PI4K2B: variants seen among roughly 807,000 people sequenced by gnomAD.
The protein encoded by PI4K2B is phosphatidylinositol 4-kinase type 2-beta.
Under a neutral mutation model 56.6 loss-of-function variants are expected in PI4K2B, and 46 were observed. The ratio of observed to expected loss-of-function variants is 0.81; its 90% CI spans 0.64 to 1.04. PI4K2B has a LOEUF of 1.04. Among genes scored for constraint, PI4K2B ranks in the 50% least tolerant of loss-of-function variants. The pLI is 0.00. For missense variants in PI4K2B, 556 were observed against 607.7 expected, an observed-to-expected ratio of 0.91 and a Z score of 0.89; for synonymous variants, 211 against 223.8, an observed-to-expected ratio of 0.94 and a Z score of 0.51.
At chr4:25,253,628 A>G (rs1716144378) in intron 2 of PI4K2B, among the ~76,000 whole-genome samples, 1 of 152,236 alleles carries the variant, frequency 6.6e-6, no homozygotes. Context: ...AAGCAATTAT[A>G]TACTTAAAAT....
At chr4:25,249,643 T>C (rs1715959384) in intron 1 of PI4K2B, among the ~76,000 whole-genome samples, 2 of 147,282 alleles carry the variant, frequency 1.4e-5, no homozygotes, top group Non-Finnish European at 3.0e-5. Flanking sequence ...TCAGAGACAC[T>C]CCTCACCTCC....
At position 25,268,534 on chromosome 4, in the gene PI4K2B, C is replaced by T; in HGVS notation, c.1170C>T (p.Asn390=). Residue 390 remains asparagine (N), a synonymous_variant, in exon 8 of 10, where the codon AAC becomes AAT. Transcript: ENST00000264864. ...NLILPYISDM[N]FVQDLCEDLY... Reference sequence around the variant, plus strand: ...TTCTACCATATATTTCTGACATGAACTTTGTGCAAGATTTATGTGAAGATC... The same window carrying T: ...TTCTACCATATATTTCTGACATGAATTTTGTGCAAGATTTATGTGAAGATC... 2 of 1,595,374 alleles carry T rather than the reference C, an allele frequency of 1.3e-6. No individual in the cohort carries two copies. Among genetic ancestry groups the T allele is most frequent in the Middle Eastern group, 1.7e-4 (1 of 6,012 alleles).
intron 7 of PI4K2B, among the ~76,000 whole-genome samples, chr4:25,266,856 A>G (rs1255267386): frequency 2.6e-5 from 4 of 152,246 alleles, no homozygotes; most frequent in Non-Finnish European, 2.9e-5. Context: ...GGAAAATCAC[A>G]GAGAACAAAC....
intron 1 of PI4K2B, among the ~76,000 whole-genome samples, chr4:25,241,099 T>G (rs1196088034): frequency 1.3e-5 from 2 of 152,242 alleles, no homozygotes; most frequent in Non-Finnish European, 1.5e-5. Flanking sequence ...CTTGTGGTAT[T>G]TAGTGGGGGT....
chr4:25,240,030 C>T (rs1715450026), intron 1 of PI4K2B, among the ~76,000 whole-genome samples: 1 of 152,150 alleles, frequency 6.6e-6, no homozygotes, highest in African/African-American at 2.4e-5. Context: ...AGCTTGATGG[C>T]CTCGATGCTA....
At chr4:25,264,933 C>T (rs1157272626) in intron 7 of PI4K2B, among the ~76,000 whole-genome samples, 3 of 151,566 alleles carry the variant, frequency 2.0e-5, no homozygotes, top group African/African-American at 7.3e-5. Flanking sequence ...CAGTGGCTCA[C>T]GCCTGTAATC....
chr4:25,272,863 T>TA lies in PI4K2B; in HGVS notation c.1272+3675dup, dbSNP rs889068556. Among the ~76,000 whole-genome samples the TA allele has an allele frequency of 9.2e-3, 1,286 of 139,464 alleles. 17 individuals carry two copies. The highest frequency in any genetic ancestry group is 0.026 in the African/African-American group (985 of 38,066). 91.5% of individuals were successfully genotyped at this position (139,464 alleles called of 152,430 possible). ...GGGCAACAGAGAAAGACCTTGTCTC[T>TA]AAAAAAAAAAAAAAATTTACCTATA... On this transcript the variant is annotated intron_variant, in intron 9 of 9. Transcript: ENST00000264864.
chr4:25,260,617 T>C (rs1185960354), intron 6 of PI4K2B, 26 bp downstream of exon 6: 1 of 256,330 alleles, frequency 3.9e-6, no homozygotes, highest in African/African-American at 3.7e-5. Context: ...ATTTTATATA[T>C]ATATATATAT....
chr4:25,254,970 A>G (rs1716200968), intron 2 of PI4K2B, 95 bp from the exon 3 acceptor site: 1 of 765,146 alleles, frequency 1.3e-6, no homozygotes, highest in Non-Finnish European at 2.2e-6. Context: ...CATCTGTGGT[A>G]GGAAGCAGTA....
At chr4:25,261,246 A>G (rs1716467614) in intron 6 of PI4K2B, among the ~76,000 whole-genome samples, 1 of 152,154 alleles carries the variant, frequency 6.6e-6, no homozygotes, top group Non-Finnish European at 1.5e-5. Flanking sequence ...TACCTAATAA[A>G]TGGAACATGT....
At chr4:25,254,953 A>C (rs1716200513) in intron 2 of PI4K2B, 112 bp from the exon 3 acceptor site, 1 of 678,932 alleles carries the variant, frequency 1.5e-6, no homozygotes, top group African/African-American at 1.8e-5. Flanking sequence ...TTGGGGATTT[A>C]TGCCTACATC....
intron 1 of PI4K2B, among the ~76,000 whole-genome samples, chr4:25,240,622 A>C (rs1715476111): frequency 6.6e-6 from 1 of 152,092 alleles, no homozygotes; most frequent in African/African-American, 2.4e-5. Flanking sequence ...GTTAGTGGGG[A>C]GGCAGATATT....
chr4:25,254,574 C>A (rs1051370051), intron 2 of PI4K2B: 1 of 152,108 alleles, frequency 6.6e-6, no homozygotes, highest in East Asian at 1.9e-4. Context: ...CCACCACGCC[C>A]GGCTAATTTT....
intron 1 of PI4K2B, among the ~76,000 whole-genome samples, chr4:25,237,446 C>T (rs988150678): frequency 1.3e-5 from 2 of 152,012 alleles, no homozygotes; most frequent in Non-Finnish European, 2.9e-5. Flanking sequence ...GTAATCTCGG[C>T]TAACTGCAAC....
chr4:25,255,582 G>T (rs530799849), intron 3 of PI4K2B, among the ~76,000 whole-genome samples: 176 of 152,378 alleles, frequency 1.2e-3, no homozygotes, highest in African/African-American at 4.0e-3. Flanking sequence ...TGTGCTTAAA[G>T]ACTTGTATTG....
intron 5 of PI4K2B, among the ~76,000 whole-genome samples, chr4:25,260,242 TA>T (rs1716408459): frequency 6.6e-6 from 1 of 152,168 alleles, no homozygotes. Flanking sequence ...CTTGATTTAA[TA>T]ATTGTATCAC....
In PI4K2B at chr4:25,260,025, C is replaced by T. The variant is rs936782434; in HGVS notation, c.911-499C>T. ...TCTGATGCATTCTGAAGTTTGAGAACCACTGGTTCAAAATGTTTTCTTATT... is the reference window on the plus strand; with the variant it reads ...TCTGATGCATTCTGAAGTTTGAGAATCACTGGTTCAAAATGTTTTCTTATT... On this transcript the variant is annotated intron_variant, in intron 5 of 9. Transcript: ENST00000264864. 5.9e-5 allele frequency among the ~76,000 whole-genome samples: 9 copies of T among 152,272 alleles called. 1 individual carries two copies. Among genetic ancestry groups the T allele is most frequent in the African/African-American group, 2.2e-4 (9 of 41,542 alleles).
At chr4:25,270,509 C>G (rs1455841089) in intron 9 of PI4K2B, among the ~76,000 whole-genome samples, 3 of 152,082 alleles carry the variant, frequency 2.0e-5, no homozygotes, top group African/African-American at 7.2e-5. Flanking sequence ...CCACACCCAG[C>G]TAATTTTTTT....
intron 1 of PI4K2B, among the ~76,000 whole-genome samples, chr4:25,247,123 G>A (rs1034884852): frequency 6.6e-6 from 1 of 152,250 alleles, no homozygotes; most frequent in Non-Finnish European, 1.5e-5. Flanking sequence ...CCTAGGCCAA[G>A]GAGGTGTGGT....
Sources: allele counts gnomAD v4.1 joint callset (sites outside exome capture counted in the v4.1 genomes callset), GRCh38; gene constraint gnomAD v4.1.1; transcripts MANE v1.5; gene names NCBI Gene and HGNC (gene_info 2026-07-23, HGNC 2026-07-21).